Variants in MTUS2 observed in about 807,000 individuals in gnomAD.
The protein encoded by MTUS2 is microtubule-associated tumor suppressor candidate 2.
A neutral mutation model predicts 114.1 loss-of-function variants in MTUS2; 40 were observed. The ratio of observed to expected loss-of-function variants is 0.35; its 90% confidence interval spans 0.27 to 0.46. The LOEUF (loss-of-function observed/expected upper bound fraction) is 0.46. MTUS2 is among the 20% of genes least tolerant of loss of function. MTUS2 has a pLI of 1.00. For synonymous variants in MTUS2, 688 were observed against 672.0 expected, an observed-to-expected ratio of 1.02 and a Z score of -0.37; for missense variants, 1,679 against 1,705.4, an observed-to-expected ratio of 0.98 and a Z score of 0.27.
chr13:29,503,742 G>GAAA lies in MTUS2; in HGVS notation c.*545_*547dup, dbSNP rs10624110. 3.4e-3 allele frequency: 709 copies of GAAA among 206,970 alleles called. 2 individuals are homozygous for GAAA. Among genetic ancestry groups the GAAA allele is most frequent in the African/African-American group, 8.3e-3 (359 of 43,398 alleles). 12.8% of individuals were successfully genotyped at this position (206,970 alleles called of 1,614,324 possible). ...ATATTTCTACCCAAAATAGAAAAAG[G>GAAA]AAAAAAAAAAAGATACAGAGAAGAA... On this transcript the variant is annotated 3_prime_UTR_variant, in exon 16 of 16. Transcript: ENST00000612955.
intron 5 of MTUS2, among the ~76,000 whole-genome samples, chr13:29,134,648 A>G (rs1891900170): frequency 6.6e-6 from 1 of 152,114 alleles, no homozygotes; most frequent in Admixed American, 6.5e-5. Context: ...CCCAGGCTGG[A>G]GTGCAATGGC....
At chr13:29,002,403 A>G (rs1461568465) in intron 2 of MTUS2, among the ~76,000 whole-genome samples, 1 of 152,138 alleles carries the variant, frequency 6.6e-6, no homozygotes, top group African/African-American at 2.4e-5. Context: ...CAATTGATAC[A>G]CTATATACCC....
At chr13:29,148,512 T>C (rs1469242487) in intron 5 of MTUS2, among the ~76,000 whole-genome samples, 1 of 104,402 alleles carries the variant, frequency 9.6e-6, no homozygotes, top group Non-Finnish European at 2.2e-5. Flanking sequence ...GGAGTCTCGC[T>C]CTGTCGCCCA....
At chr13:29,021,323 C>T (rs1432627465) in intron 2 of MTUS2, among the ~76,000 whole-genome samples, 1 of 152,156 alleles carries the variant, frequency 6.6e-6, no homozygotes, top group African/African-American at 2.4e-5. Context: ...CTAGGAGGTT[C>T]CACCTTTCTT....
chr13:29,022,996 G>T lies in MTUS2; in HGVS notation c.-242-1461G>T, dbSNP rs551081322. On this transcript the variant is annotated intron_variant, in intron 2 of 15. Coordinates refer to ENST00000612955, the MANE Select transcript of MTUS2 (RefSeq NM_001033602.4). ...TTTTCAGTGTCTAGCAAATCTGAAA[G>T]TCTTTTTTTAATTCTTCAAAGTGAA... Among the ~76,000 whole-genome samples, 97 of 152,270 alleles carry T rather than the reference G, an allele frequency of 6.4e-4. No individual in the cohort carries two copies. The South Asian group carries it at 0.02, about 31-fold the overall frequency.
intron 9 of MTUS2, among the ~76,000 whole-genome samples, chr13:29,465,978 G>A (rs1879858054): frequency 6.6e-6 from 1 of 152,210 alleles, no homozygotes; most frequent in Non-Finnish European, 1.5e-5. Flanking sequence ...CATTCCAGGA[G>A]GAGACAGTTA....
chr13:29,306,564 A>G (rs923198025), intron 6 of MTUS2, among the ~76,000 whole-genome samples: 5 of 152,254 alleles, frequency 3.3e-5, no homozygotes, highest in South Asian at 2.1e-4. Context: ...TAAAATGCCT[A>G]GAAATACAGC....
intron 9 of MTUS2, among the ~76,000 whole-genome samples, chr13:29,440,586 G>A (rs1025267535): frequency 6.6e-6 from 1 of 152,114 alleles, no homozygotes; most frequent in Non-Finnish European, 1.5e-5. Context: ...TGGGGATGTG[G>A]CTTTCACCGT....
At position 28,877,359 on chromosome 13, in the gene MTUS2, C is replaced by T. The variant is rs990540792; in HGVS notation, c.-243+37509C>T. Among the ~76,000 whole-genome samples the T allele has an allele frequency of 1.2e-4, 18 of 151,304 alleles. No homozygotes were observed. The East Asian group carries it at 2.3e-3, about 19-fold the overall frequency. On this transcript the variant is annotated intron_variant, in intron 2 of 15. Coordinates refer to ENST00000612955, the MANE Select transcript of MTUS2 (RefSeq NM_001033602.4). ...AAAAACAGAACTTATTTAAGTAGCCCGTTGTTATTTCGCTATTAATGGAAT... is the reference window on the plus strand; with the variant it reads ...AAAAACAGAACTTATTTAAGTAGCCTGTTGTTATTTCGCTATTAATGGAAT...
At chr13:29,004,332 A>C (rs1401862706) in intron 2 of MTUS2, among the ~76,000 whole-genome samples, 1 of 152,212 alleles carries the variant, frequency 6.6e-6, no homozygotes, top group Non-Finnish European at 1.5e-5. Flanking sequence ...GTGACTCACT[A>C]AATTGATTTG....
In MTUS2 at chr13:29,324,602, A is replaced by G. The variant is rs781757198; in HGVS notation, c.2807-11A>G. ...ACTTTCTACCTATTTCTCTTTTCCA[A>G]CTATACACAGGAACAAAGAAAGATG... On this transcript the variant is annotated splice_polypyrimidine_tract_variant and intron_variant, in intron 6 of 15. Coordinates refer to ENST00000612955, the MANE Select transcript of MTUS2 (RefSeq NM_001033602.4). The G allele has an allele frequency of 1.9e-6, 3 of 1,558,380 alleles. No homozygotes were observed. Among genetic ancestry groups the G allele is most frequent in the East Asian group, 2.3e-5 (1 of 42,964 alleles).
intron 9 of MTUS2, among the ~76,000 whole-genome samples, chr13:29,440,644 C>T (rs1361875918): frequency 6.6e-6 from 1 of 152,138 alleles, no homozygotes; most frequent in Non-Finnish European, 1.5e-5. Context: ...TTGCTTGATC[C>T]CATCTTCCCT....
At chr13:29,325,519 G>A (rs1211558722) in intron 7 of MTUS2, among the ~76,000 whole-genome samples, 1 of 145,798 alleles carries the variant, frequency 6.9e-6, no homozygotes, top group African/African-American at 2.6e-5. Context: ...GAAGGAGGAG[G>A]AGGAGGGAGG....
At chr13:28,829,689 C>G (rs1874527215) in intron 1 of MTUS2, among the ~76,000 whole-genome samples, 1 of 152,188 alleles carries the variant, frequency 6.6e-6, no homozygotes, top group African/African-American at 2.4e-5. Flanking sequence ...TTTTGCAGAG[C>G]CCTGTGGCAT....
chr13:29,490,985 A>ATGTG (rs71090259), intron 11 of MTUS2, among the ~76,000 whole-genome samples: 145 of 148,346 alleles, frequency 9.8e-4, no homozygotes, highest in African/African-American at 2.5e-3. Flanking sequence ...AGAAGTGTGG[A>ATGTG]TGTGTGTGTG....
At chr13:29,242,106 A>G (rs1335533089) in intron 5 of MTUS2, among the ~76,000 whole-genome samples, 1 of 152,232 alleles carries the variant, frequency 6.6e-6, no homozygotes, top group Non-Finnish European at 1.5e-5. Flanking sequence ...TATTTTACAT[A>G]TCATAAAATT....
chr13:28,822,651 G>C (rs1270154727), intron 1 of MTUS2, among the ~76,000 whole-genome samples: 1 of 152,034 alleles, frequency 6.6e-6, no homozygotes, highest in Non-Finnish European at 1.5e-5. Flanking sequence ...CACTGGCAGT[G>C]TGTTCATGTG....
chr13:29,235,103 TTA>T (rs1896484105), intron 5 of MTUS2, among the ~76,000 whole-genome samples: 1 of 152,116 alleles, frequency 6.6e-6, no homozygotes, highest in South Asian at 2.1e-4. Context: ...AATTAATTAA[TTA>T]ATTTTTTTGA....
chr13:29,280,882 C>A (rs1314802443), intron 5 of MTUS2, among the ~76,000 whole-genome samples: 2 of 152,150 alleles, frequency 1.3e-5, no homozygotes, highest in Non-Finnish European at 2.9e-5. Context: ...AATGTATTAA[C>A]CACAAGGTTT....
Sources: allele counts gnomAD v4.1 joint callset (sites outside exome capture counted in the v4.1 genomes callset), GRCh38; gene constraint gnomAD v4.1.1; transcripts MANE v1.5; gene names NCBI Gene and HGNC (gene_info 2026-07-23, HGNC 2026-07-21).